Variants in CPM observed in about 807,000 individuals in gnomAD.
CPM encodes renal carboxypeptidase.
In CPM, 35 loss-of-function variants were observed where a neutral mutation model predicts 46.4. The ratio of observed to expected loss-of-function variants is 0.75; its 90% CI spans 0.58 to 1.00. The LOEUF (loss-of-function observed/expected upper bound fraction) is 1.00. Ranked by LOEUF, CPM falls within the 50% of genes least tolerant of loss-of-function variation. The pLI, the probability that CPM is intolerant of heterozygous loss-of-function variation, is 0.00. For synonymous variants in CPM, 195 were observed against 195.3 expected (o/e 1.00, Z 0.01); for missense variants, 422 against 530.4 (o/e 0.80, Z 2.01).
intron 2 of CPM, among the ~76,000 whole-genome samples, chr12:68,908,479 G>T (rs1383034284): frequency 6.6e-6 from 1 of 151,198 alleles, no homozygotes; most frequent in Non-Finnish European, 1.5e-5. Flanking sequence ...ACCCAGAATG[G>T]ACATCCACTT....
At position 68,917,198 on chromosome 12, in the gene CPM, G is replaced by A. The variant is rs78372469; in HGVS notation, c.160+15480C>T. 5.3e-3 allele frequency among the ~76,000 whole-genome samples: 741 copies of A among 139,376 alleles called. 9 individuals are homozygous for A. The highest frequency in any genetic ancestry group is 0.02 in the African/African-American group (712 of 36,030). The allele number at this position is 139,376 out of a possible 152,430, so 91.4% of individuals were successfully genotyped here. A position where few individuals can be genotyped will look rare whatever the true frequency, so the allele number is the denominator to read the frequency against. ...CTTTGAACGTGCTATTTATTGCCTC[G>A]CCTTTCCCTTTTCACCTGGCTGATC... is the stretch of plus-strand genomic sequence containing the variant. On this transcript the variant is annotated intron_variant, in intron 2 of 8. Transcript: ENST00000551568.
intron 1 of CPM, among the ~76,000 whole-genome samples, chr12:68,940,631 C>A (rs930417364): frequency 6.6e-6 from 1 of 151,410 alleles, no homozygotes; most frequent in Non-Finnish European, 1.5e-5. Context: ...ACACATCCTT[C>A]TTATTACCAA....
chr12:68,895,505 T>A (rs1886835450), intron 2 of CPM, among the ~76,000 whole-genome samples: 1 of 152,230 alleles, frequency 6.6e-6, no homozygotes, highest in Non-Finnish European at 1.5e-5. Flanking sequence ...GGTCTTCTAT[T>A]TCTGCAGTAC....
In CPM at chr12:68,870,155, A is replaced by G. The variant is rs1057058309; in HGVS notation, c.616+60T>C. ...GGAGAGCTGATCCCCATCCAGAGGC[A>G]GAGAGTTTTCAGCCCCACTCTGGAC... is the stretch of plus-strand genomic sequence containing the variant. On this transcript the variant is annotated intron_variant, in intron 5 of 8. Coordinates refer to ENST00000551568, the MANE Select transcript of CPM (RefSeq NM_198320.5). 5 of 1,517,848 alleles carry G rather than the reference A, an allele frequency of 3.3e-6. No individual in the cohort carries two copies. The South Asian group carries it at 6.2e-5, about 19-fold the overall frequency. 94.0% of individuals were successfully genotyped at this position (1,517,848 alleles called of 1,614,324 possible).
At chr12:68,869,247 C>T in intron 6 of CPM, 78 bp downstream of exon 6, 1 of 1,404,492 alleles carries the variant, frequency 7.1e-7, no homozygotes, top group South Asian at 1.3e-5. Flanking sequence ...CTTTTAACAA[C>T]TGCTGGATCA....
At chr12:68,962,072 C>G (rs947479159) in intron 1 of CPM, among the ~76,000 whole-genome samples, 2 of 151,696 alleles carry the variant, frequency 1.3e-5, no homozygotes, top group African/African-American at 4.9e-5. Flanking sequence ...CGGTGGTGGG[C>G]GCCTGTAGTC....
intron 2 of CPM, among the ~76,000 whole-genome samples, chr12:68,894,261 T>C (rs1258453381): frequency 2.0e-5 from 3 of 152,274 alleles, no homozygotes; most frequent in Non-Finnish European, 4.4e-5. Flanking sequence ...TTCACCATTT[T>C]GTTTAGGTTG....
intron 2 of CPM, among the ~76,000 whole-genome samples, chr12:68,903,946 G>C (rs1380317895): frequency 1.3e-5 from 2 of 151,504 alleles, no homozygotes; most frequent in Non-Finnish European, 2.9e-5. Context: ...GAATGCAGTG[G>C]TGTGAACGTG....
chr12:68,924,862 A>G (rs1246141282), intron 2 of CPM, among the ~76,000 whole-genome samples: 1 of 152,186 alleles, frequency 6.6e-6, no homozygotes. Context: ...TATCCAGTTG[A>G]GGGCAAGTGA....
intron 7 of CPM, among the ~76,000 whole-genome samples, chr12:68,860,362 GT>G (rs1885155745): frequency 1.3e-5 from 2 of 152,080 alleles, no homozygotes; most frequent in African/African-American, 4.8e-5. Context: ...TCCTTTTGAT[GT>G]TTAGGTAGTA....
At position 68,866,905 on chromosome 12, in the gene CPM, C is replaced by T; in HGVS notation, c.931G>A (p.Val311Met). The change falls in exon 7 of 9, where the codon GTG becomes ATG. Residue 311 changes from valine to methionine, a missense_variant. Transcript: ENST00000551568. ...KASLIEYIKQ[V>M]HLGVKGQVFD... ...AGAAAATTTTACAAACCTAGGTGCA[C>T]CTGCTTTATATATTCAATTAATGAG... 1 of 1,612,068 alleles carries T rather than the reference C, an allele frequency of 6.2e-7. No homozygotes were observed. Among genetic ancestry groups the T allele is most frequent in the South Asian group, 1.1e-5 (1 of 90,264 alleles).
rs894520210 is a variant in CPM at position 68,921,802 on chromosome 12, C to T, written c.160+10876G>A. On this transcript the variant is annotated intron_variant, in intron 2 of 8. Coordinates refer to ENST00000551568, the MANE Select transcript of CPM (RefSeq NM_198320.5). ...CTTGAGGGACTGAAGAACTTACATA[C>T]AATATAGGTAACTATATAAAAGTGT... 5.3e-5 allele frequency among the ~76,000 whole-genome samples: 8 copies of T among 151,802 alleles called. No homozygotes were observed. In the East Asian group the frequency reaches 1.5e-3, roughly 29 times the overall value.
At chr12:68,921,288 C>T (rs917928400) in intron 2 of CPM, among the ~76,000 whole-genome samples, 1 of 151,704 alleles carries the variant, frequency 6.6e-6, no homozygotes, top group Non-Finnish European at 1.5e-5. Flanking sequence ...ATTACAGGCA[C>T]CTGCCACCAT....
At chr12:68,903,054 A>G (rs1473880150) in intron 2 of CPM, among the ~76,000 whole-genome samples, 1 of 152,188 alleles carries the variant, frequency 6.6e-6, no homozygotes, top group African/African-American at 2.4e-5. Context: ...TTTCTTTTGT[A>G]TCTATAAGAG....
chr12:68,844,429 C>T (rs1418465222), intron 5 of CPM: 2 of 227,744 alleles, frequency 8.8e-6, no homozygotes, highest in African/African-American at 4.4e-5. Context: ...CTGTGTTCTC[C>T]CTGTCTTCTC....
At chr12:68,850,767 ATTAT>A (rs1427196025), downstream of CPM, 1 of 152,196 alleles carries the variant, frequency 6.6e-6, no homozygotes, top group Non-Finnish European at 1.5e-5. Context: ...ACGAGGCTGT[ATTAT>A]TTAAGGAAAT....
upstream of CPM, chr12:68,933,348 G>C (rs1360374516): frequency 6.6e-6 from 1 of 152,106 alleles, no homozygotes; most frequent in Non-Finnish European, 1.5e-5. Flanking sequence ...CTTTCGTGGC[G>C]CGGCTGCTGG....
chr12:68,945,139 C>T (rs1261849906), intron 1 of CPM, among the ~76,000 whole-genome samples: 1 of 152,242 alleles, frequency 6.6e-6, no homozygotes, highest in South Asian at 2.1e-4. Context: ...TAAAAGTATA[C>T]CTATACTTTA....
intron 1 of CPM, among the ~76,000 whole-genome samples, chr12:68,941,615 G>C (rs1888763234): frequency 6.6e-6 from 1 of 152,200 alleles, no homozygotes; most frequent in African/African-American, 2.4e-5. Flanking sequence ...GGCCTCAAGT[G>C]ATCTGCCTGC....
Sources: allele counts gnomAD v4.1 joint callset (sites outside exome capture counted in the v4.1 genomes callset), GRCh38; gene constraint gnomAD v4.1.1; transcripts MANE v1.5; gene names NCBI Gene and HGNC (gene_info 2026-07-23, HGNC 2026-07-21).